Variants in CPED1 observed in about 807,000 individuals in gnomAD.
CPED1 encodes cadherin like and PC-esterase domain containing 1.
A neutral mutation model predicts 128.2 loss-of-function variants in CPED1; 114 were observed. The ratio of observed to expected loss-of-function variants is 0.89; its 90% CI spans 0.76 to 1.04. The LOEUF (loss-of-function observed/expected upper bound fraction) is 1.04. Among genes scored for constraint, CPED1 ranks in the 50% least tolerant of loss-of-function variants. The pLI is 0.00. For missense variants in CPED1, 1,211 were observed against 1,207.1 expected (o/e 1.00, Z -0.05); for synonymous variants, 462 against 426.7 (o/e 1.08, Z -1.02).
rs530179979 is a variant in CPED1, at chr7:121,143,230, T to G, written c.2055+1089T>G. Among the ~76,000 whole-genome samples, 7 of 152,126 alleles carry G rather than the reference T, an allele frequency of 4.6e-5. No homozygotes were observed. In the East Asian group the frequency reaches 7.7e-4, roughly 17 times the overall value. On this transcript the variant is annotated intron_variant, in intron 16 of 22. Transcript: ENST00000310396. ...TAAGCACACTTAAAAAAGAGTAGAA[T>G]ACAGTTCCATGGTCAAATAAACCCA...
At chr7:121,210,061 C>A (rs1797608766) in intron 16 of CPED1, among the ~76,000 whole-genome samples, 1 of 151,972 alleles carries the variant, frequency 6.6e-6, no homozygotes, top group Admixed American at 6.6e-5. Flanking sequence ...TGAAAAGGTG[C>A]TCAACATCAT....
chr7:121,290,781 T>C (rs2116789702), intron 22 of CPED1, among the ~76,000 whole-genome samples: 1 of 152,344 alleles, frequency 6.6e-6, no homozygotes, highest in Middle Eastern at 3.4e-3. Context: ...TAGTTTCTTT[T>C]GCTGTTCAGA....
intron 3 of CPED1, among the ~76,000 whole-genome samples, chr7:121,036,787 C>T (rs958953407): frequency 6.6e-6 from 1 of 152,128 alleles, no homozygotes; most frequent in African/African-American, 2.4e-5. Context: ...TCACTACATT[C>T]ATGCCAACAT....
At chr7:121,014,561 AT>A (rs749468786) in intron 2 of CPED1, among the ~76,000 whole-genome samples, 2,278 of 125,606 alleles carry the variant, frequency 0.018, 69 homozygotes, top group African/African-American at 0.049. Context: ...AAAAAAAAAA[AT>A]AATAATAATA....
At position 121,281,017 on chromosome 7, in the gene CPED1, A is replaced by C. The variant is rs879819314; in HGVS notation, c.2868+9587A>C. ...CTCTTCAGACCCCATCCATGATGAA[A>C]CATATTTGTAATCAGAGCATCCTCT... On this transcript the variant is annotated intron_variant, in intron 22 of 22. Transcript: ENST00000310396. 4.5e-4 allele frequency among the ~76,000 whole-genome samples: 69 copies of C among 152,316 alleles called. 1 individual carries two copies. The highest frequency in any genetic ancestry group is 4.5e-3 in the Admixed American group (68 of 15,278).
chr7:121,106,182 C>T (rs968589881), intron 7 of CPED1, among the ~76,000 whole-genome samples: 38 of 152,184 alleles, frequency 2.5e-4, no homozygotes, highest in African/African-American at 8.9e-4. Context: ...GGTTCTACAA[C>T]AGAAGATAGT....
At position 121,111,458 on chromosome 7, in the gene CPED1, A is replaced by C. The variant is rs372715886; in HGVS notation, c.918+11364A>C. ...TGGCAGGGGTGCCTGTTTCTCAGCC[A>C]CCATAAAATTGGGTTATTTTCAAAT... On this transcript the variant is annotated intron_variant, in intron 7 of 22. Coordinates refer to ENST00000310396, the MANE Select transcript of CPED1 (RefSeq NM_024913.5). 2.2e-4 allele frequency among the ~76,000 whole-genome samples: 33 copies of C among 152,306 alleles called. No individual in the cohort carries two copies. The South Asian group carries it at 6.8e-3, about 32-fold the overall frequency.
At chr7:121,174,615 G>T (rs1194816931) in intron 16 of CPED1, among the ~76,000 whole-genome samples, 2 of 151,584 alleles carry the variant, frequency 1.3e-5, no homozygotes, top group African/African-American at 4.8e-5. Flanking sequence ...ATGTTGTTTT[G>T]GTTACTGTAA....
At chr7:121,123,991 A>T (rs1167672101) in intron 7 of CPED1, among the ~76,000 whole-genome samples, 1 of 152,128 alleles carries the variant, frequency 6.6e-6, no homozygotes, top group African/African-American at 2.4e-5. Flanking sequence ...AAAGATTCTG[A>T]GCAGTGGGTG....
intron 5 of CPED1, among the ~76,000 whole-genome samples, chr7:121,082,498 A>G (rs946633373): frequency 6.6e-6 from 1 of 152,194 alleles, no homozygotes; most frequent in Admixed American, 6.5e-5. Context: ...CTAGATAATT[A>G]TGGTGGGCTT....
intron 18 of CPED1, among the ~76,000 whole-genome samples, chr7:121,260,098 T>C (rs1184352828): frequency 6.6e-6 from 1 of 151,768 alleles, no homozygotes; most frequent in Admixed American, 6.6e-5. Context: ...TTACACATGA[T>C]GCCCTCCTTC....
chr7:121,244,656 G>C (rs1798482541), intron 18 of CPED1, among the ~76,000 whole-genome samples: 1 of 152,190 alleles, frequency 6.6e-6, no homozygotes, highest in Admixed American at 6.5e-5. Flanking sequence ...CTGACAGTTG[G>C]CAGTTGAGAG....
intron 5 of CPED1, among the ~76,000 whole-genome samples, chr7:121,072,197 A>AC (rs1444506987): frequency 2.6e-5 from 4 of 151,624 alleles, no homozygotes; most frequent in Admixed American, 1.3e-4. Context: ...AAAAAAAAAA[A>AC]AAACATGGGA....
At chr7:121,246,877 G>C (rs377575487) in intron 18 of CPED1, among the ~76,000 whole-genome samples, 1 of 152,272 alleles carries the variant, frequency 6.6e-6, no homozygotes, top group East Asian at 1.9e-4. Context: ...ACAGCAAAAG[G>C]GCTTATCTTT....
intron 16 of CPED1, chr7:121,149,527 A>G (rs756439003): frequency 1.3e-5 from 2 of 152,194 alleles, no homozygotes; most frequent in African/African-American, 2.4e-5. Context: ...TCCAACTCAC[A>G]TCTGCTTCCT....
chr7:121,146,338 A>G (rs1397792535), intron 16 of CPED1, among the ~76,000 whole-genome samples: 1 of 152,146 alleles, frequency 6.6e-6, no homozygotes, highest in Non-Finnish European at 1.5e-5. Flanking sequence ...ATGAGAGTGG[A>G]ACTCTCATGA....
chr7:121,269,244 G>A (rs1199341753), intron 21 of CPED1, among the ~76,000 whole-genome samples: 1 of 152,042 alleles, frequency 6.6e-6, no homozygotes, highest in African/African-American at 2.4e-5. Context: ...TCATAAGTGA[G>A]GAGATGCAGT....
At chr7:121,261,554 A>T in intron 18 of CPED1, 1 of 1,556,842 alleles carries the variant, frequency 6.4e-7, no homozygotes, top group South Asian at 1.2e-5. Context: ...AACCAGTGGA[A>T]TATGATCAGG....
chr7:121,017,814 A>G (rs944778334), intron 3 of CPED1, among the ~76,000 whole-genome samples: 1 of 152,228 alleles, frequency 6.6e-6, no homozygotes, highest in Non-Finnish European at 1.5e-5. Flanking sequence ...AAGGAAGTGC[A>G]AAAACAGCCT....
Sources: allele counts gnomAD v4.1 joint callset (sites outside exome capture counted in the v4.1 genomes callset), GRCh38; gene constraint gnomAD v4.1.1; transcripts MANE v1.5; gene names NCBI Gene and HGNC (gene_info 2026-07-23, HGNC 2026-07-21).